The following SLC36A1 variants were observed in gnomAD, a reference collection of about 807,000 sequenced individuals.
SLC36A1 encodes the protein solute carrier family 36 member 1.
A neutral mutation model predicts 47.5 loss-of-function variants in SLC36A1; 30 were observed. The ratio of observed to expected loss-of-function variants is 0.63; its 90% confidence interval spans 0.47 to 0.86. The LOEUF (loss-of-function observed/expected upper bound fraction) is 0.86. Among genes scored for constraint, SLC36A1 ranks in the 40% least tolerant of loss-of-function variants. SLC36A1 has a pLI of 0.00. For missense variants in SLC36A1, 517 were observed against 606.0 expected (o/e 0.85, Z 1.54); for synonymous variants, 255 against 249.7 (o/e 1.02, Z -0.20).
At chr5:151,505,684 C>G in the SLC36A1 span, 2 of 1,614,110 alleles carry the variant, frequency 1.2e-6, no homozygotes, top group Non-Finnish European at 1.7e-6. Flanking sequence ...ACCTCACAGA[C>G]AGCATAAGAG....
chr5:151,476,938 G>C, intron 9 of SLC36A1, 182 bp downstream of exon 9: 2 of 777,042 alleles, frequency 2.6e-6, no homozygotes, highest in Non-Finnish European at 4.4e-6. Flanking sequence ...GGGAATTCAT[G>C]TAGAGCCTTC....
At chr5:151,421,340 C>T in the SLC36A1 span, among the ~76,000 whole-genome samples, 5 of 151,436 alleles carry the variant, frequency 3.3e-5, no homozygotes, top group African/African-American at 1.2e-4. Context: ...CTCCTGAGCT[C>T]AAGAAATCCC....
At chr5:151,545,286 C>T in the SLC36A1 span, 6 of 1,614,006 alleles carry the variant, frequency 3.7e-6, no homozygotes, top group Non-Finnish European at 5.1e-6. Context: ...TGTCTTGATA[C>T]AAGCCATCAG....
At chr5:151,534,355 C>T in the SLC36A1 span, 2 of 1,441,234 alleles carry the variant, frequency 1.4e-6, no homozygotes, top group Non-Finnish European at 1.9e-6. Flanking sequence ...CAAACCCTTG[C>T]CCAAGGTGAC....
At chr5:151,480,989 C>G (rs1693096817) in intron 10 of SLC36A1, among the ~76,000 whole-genome samples, 1 of 152,184 alleles carries the variant, frequency 6.6e-6, no homozygotes, top group Non-Finnish European at 1.5e-5. Flanking sequence ...GTGACAGGAG[C>G]CTGACTCCTC....
the SLC36A1 span, chr5:151,425,468 T>C: frequency 6.6e-6 from 1 of 152,304 alleles, no homozygotes; most frequent in Non-Finnish European, 1.5e-5. Context: ...GCCAACTGCC[T>C]GGGGAAGAGC....
chr5:151,391,199 G>C, the SLC36A1 span, among the ~76,000 whole-genome samples: 1 of 150,744 alleles, frequency 6.6e-6, no homozygotes. Flanking sequence ...TCATGATTTG[G>C]CTCTCTGTCT....
chr5:151,475,715 T>G (rs1757956226), intron 8 of SLC36A1, among the ~76,000 whole-genome samples: 1 of 152,172 alleles, frequency 6.6e-6, no homozygotes, highest in Admixed American at 6.5e-5. Flanking sequence ...AGCAGGATCA[T>G]GTTGGTGTGT....
the SLC36A1 span, among the ~76,000 whole-genome samples, chr5:151,500,391 G>A: frequency 6.7e-6 from 1 of 148,248 alleles, no homozygotes; most frequent in African/African-American, 2.5e-5. Context: ...GTTTTGAGAC[G>A]GAATCTCGTT....
chr5:151,350,790 C>CTTG, the SLC36A1 span, among the ~76,000 whole-genome samples: 1 of 152,018 alleles, frequency 6.6e-6, no homozygotes, highest in Non-Finnish European at 1.5e-5. Context: ...CAACCTCCAC[C>CTTG]TCCCAAGCTC....
At chr5:151,375,010 G>T in the SLC36A1 span, among the ~76,000 whole-genome samples, 2 of 150,816 alleles carry the variant, frequency 1.3e-5, no homozygotes, top group Non-Finnish European at 3.0e-5. Flanking sequence ...CTTGCAGATT[G>T]TCTGTTCACT....
the SLC36A1 span, among the ~76,000 whole-genome samples, chr5:151,350,700 G>C: frequency 6.6e-6 from 1 of 152,098 alleles, no homozygotes; most frequent in South Asian, 2.1e-4. Flanking sequence ...AAGGATAATG[G>C]GGTTTTTTGT....
At chr5:151,474,183 A>ATTATCTTC (rs200929983) in intron 8 of SLC36A1, among the ~76,000 whole-genome samples, 3,573 of 143,876 alleles carry the variant, frequency 0.025, 200 homozygotes, top group African/African-American at 0.099. Context: ...AAAAAAAGAA[A>ATTATCTTC]TTATCTTCTG....
the SLC36A1 span, chr5:151,529,485 T>A: frequency 1.5e-5 from 16 of 1,042,868 alleles, no homozygotes; most frequent in Non-Finnish European, 2.2e-5. Context: ...GAGAGGCAGC[T>A]CAACAGGGCT....
chr5:151,481,236 T>C (rs1334388054), intron 10 of SLC36A1, among the ~76,000 whole-genome samples: 1 of 152,224 alleles, frequency 6.6e-6, no homozygotes, highest in Non-Finnish European at 1.5e-5. Context: ...GGTCTTCAAG[T>C]GTGTGCAGTT....
chr5:151,458,970 G>A, intron 2 of SLC36A1, 35 bp downstream of exon 2: 1 of 1,578,810 alleles, frequency 6.3e-7, no homozygotes, highest in East Asian at 2.3e-5. Flanking sequence ...TCCTGGGTGG[G>A]ATTCGTGTTC....
At chr5:151,517,798 T>C in the SLC36A1 span, 18 of 1,612,266 alleles carry the variant, frequency 1.1e-5, no homozygotes, top group Middle Eastern at 4.9e-4. Flanking sequence ...CACCTCTACT[T>C]GAAGTGGTCC....
the SLC36A1 span, among the ~76,000 whole-genome samples, chr5:151,397,365 A>G: frequency 1.3e-5 from 2 of 152,242 alleles, no homozygotes; most frequent in Admixed American, 6.5e-5. Context: ...TGAGAACGTG[A>G]GTGCTTTTGG....
chr5:151,418,939 G>A, the SLC36A1 span, among the ~76,000 whole-genome samples: 1 of 152,162 alleles, frequency 6.6e-6, no homozygotes, highest in Admixed American at 6.5e-5. Context: ...AGAGGTAATT[G>A]AATAATGGGG....
Sources: gnomAD v4.1 joint callset for allele counts (sites outside exome capture counted in the v4.1 genomes callset) on GRCh38, gnomAD v4.1.1 for gene constraint, MANE v1.5 for transcripts, NCBI Gene and HGNC (gene_info 2026-07-23, HGNC 2026-07-21) for gene names.